MANSC4: variants seen among roughly 807,000 people sequenced by gnomAD.
MANSC4 encodes the protein MANSC domain-containing protein 4.
In MANSC4, 11 loss-of-function variants were observed where a neutral mutation model predicts 11.4. That is an observed-to-expected ratio of 0.97 (90% CI 0.61 to 1.60). The LOEUF (loss-of-function observed/expected upper bound fraction) is 1.60, where lower values mean the gene tolerates loss of function less well. Among genes scored for constraint, MANSC4 ranks in the 40% most tolerant of loss-of-function variants. The pLI is 0.00. For synonymous variants in MANSC4, 123 were observed against 147.1 expected (o/e 0.84, Z 1.19); for missense variants, 354 against 404.6 (o/e 0.88, Z 1.07).
chr12:27,768,601 C>T (rs1175743822), intron 2 of MANSC4, among the ~76,000 whole-genome samples: 4 of 150,438 alleles, frequency 2.7e-5, no homozygotes, highest in African/African-American at 9.8e-5. Context: ...GCAGTAGAGA[C>T]CATGTGATAT....
chr12:27,762,984 T>C lies in MANSC4; in HGVS notation c.777A>G (p.Leu259=), dbSNP rs747863783. Residue 259 remains leucine (L), a synonymous_variant, in exon 4 of 4, where the codon CTA becomes CTG. Transcript: ENST00000381273. ...TGCTATTGTATCCTTTGGTTTTGTT[T>C]AGTAATTGTTTGCTACTGTTGAGTC... ...PPGLNSSKQL[L]NKTKGYNSRN... is the part of the protein sequence containing the mutation. The C allele has an allele frequency of 6.4e-7, 1 of 1,551,812 alleles. No homozygotes were observed. Among genetic ancestry groups the C allele is most frequent in the South Asian group, 1.2e-5 (1 of 84,062 alleles).
chr12:27,771,329 T>C lies in MANSC4; in HGVS notation c.-53A>G. The C allele has an allele frequency of 1.4e-6, 2 of 1,471,182 alleles. No homozygotes were observed. The highest frequency in any genetic ancestry group is 1.8e-6 in the Non-Finnish European group (2 of 1,084,446). The allele number at this position is 1,471,182 out of a possible 1,614,324, so 91.1% of individuals were successfully genotyped here. A position where few individuals can be genotyped will look rare whatever the true frequency, so the allele number is the denominator to read the frequency against. ...ATAAGTCTGATTTCCAGACAGAAGCTGAACACTGGAGTTTAGGACAGTCTC... is the reference window on the plus strand; with the variant it reads ...ATAAGTCTGATTTCCAGACAGAAGCCGAACACTGGAGTTTAGGACAGTCTC... On this transcript the variant is annotated 5_prime_UTR_variant, in exon 2 of 4. Coordinates refer to ENST00000381273, the MANE Select transcript of MANSC4 (RefSeq NM_001146221.5).
intron 2 of MANSC4, among the ~76,000 whole-genome samples, chr12:27,768,418 A>AG (rs1261110633): frequency 1.7e-4 from 20 of 117,112 alleles, no homozygotes; most frequent in Middle Eastern, 3.8e-3. Flanking sequence ...AAAAAAAAAA[A>AG]AAAAGAAAAA....
chr12:27,766,651 T>C lies in MANSC4; in HGVS notation c.364+14A>G. On this transcript the variant is annotated intron_variant, in intron 3 of 3. Transcript: ENST00000381273. ...CCAGCATTCTTTTAAAGTCTTGAAA[T>C]ATGTAATCATTACCGTCTGTTATGT... is the stretch of plus-strand genomic sequence containing the variant. 1 of 1,548,836 alleles carries C rather than the reference T, an allele frequency of 6.5e-7. No individual in the cohort carries two copies. The highest frequency in any genetic ancestry group is 1.2e-5 in the South Asian group (1 of 83,148).
At chr12:27,765,873 C>T (rs912701446) in intron 3 of MANSC4, among the ~76,000 whole-genome samples, 3 of 152,220 alleles carry the variant, frequency 2.0e-5, no homozygotes, top group Non-Finnish European at 2.9e-5. Context: ...TAAATGGGCA[C>T]GAAACACTTA....
At chr12:27,769,522 C>A (rs1261957975) in intron 2 of MANSC4, among the ~76,000 whole-genome samples, 1 of 152,198 alleles carries the variant, frequency 6.6e-6, no homozygotes, top group Non-Finnish European at 1.5e-5. Flanking sequence ...GCTGTGGAGT[C>A]AGGTAAATTC....
chr12:27,763,031 A>G lies in MANSC4; in HGVS notation c.730T>C (p.Ser244Pro), dbSNP rs1171477610. ...AGTCCAGGTGGAACAGGCATATGAG[A>G]AAGTTTTGTGTCTATGGGTTCAAAG... ...PFFEPIDTKL[S>P]HMPVPPGLNS... The change falls in exon 4 of 4, where the codon TCT (serine) becomes CCT (proline). Residue 244 changes from serine (S) to proline (P), a missense_variant. Physicochemically the swap from Ser to Pro is moderately conservative, Grantham distance 74. Coordinates refer to ENST00000381273, the MANE Select transcript of MANSC4 (RefSeq NM_001146221.5). 2 of 1,551,688 alleles carry G rather than the reference A, an allele frequency of 1.3e-6. No individual in the cohort carries two copies. The highest frequency in any genetic ancestry group is 2.4e-5 in the South Asian group (2 of 84,064).
At chr12:27,766,363 G>A (rs1203676986) in intron 3 of MANSC4, among the ~76,000 whole-genome samples, 1 of 152,176 alleles carries the variant, frequency 6.6e-6, no homozygotes, top group Non-Finnish European at 1.5e-5. Flanking sequence ...ACCGCGCCTG[G>A]CCGAGAAATG....
Position 27,763,391 on chromosome 12 carries a change from C to T in MANSC4, c.370G>A (p.Asp124Asn). The T allele has an allele frequency of 6.5e-7, 1 of 1,537,738 alleles. No homozygotes were observed. Among genetic ancestry groups the T allele is most frequent in the Non-Finnish European group, 8.8e-7 (1 of 1,140,542 alleles). Reference sequence around the variant, plus strand: ...TGTTCAAAAACCAGCAAATCCGGATCTATACCTGAAAAATAAATAAGGCAT... The same window carrying T: ...TGTTCAAAAACCAGCAAATCCGGATTTATACCTGAAAAATAAATAAGGCAT... ...AILYNITDGI[D>N]PDLLVFEQSP... Residue 124 changes from aspartate (D) to asparagine (N), a missense_variant, in exon 4 of 4, where the codon GAT (aspartate) becomes AAT (asparagine). Physicochemically the swap from Asp to Asn is conservative, Grantham distance 23. Coordinates refer to ENST00000381273, the MANE Select transcript of MANSC4 (RefSeq NM_001146221.5).
At chr12:27,768,402 C>CAAAAA (rs201953091) in intron 2 of MANSC4, among the ~76,000 whole-genome samples, 7 of 109,682 alleles carry the variant, frequency 6.4e-5, no homozygotes, top group African/African-American at 1.5e-4. Flanking sequence ...GACTCTGTCT[C>CAAAAA]AAAAAAAAAA....
chr12:27,772,912 T>C (rs2062106213), intron 1 of MANSC4, among the ~76,000 whole-genome samples: 1 of 152,248 alleles, frequency 6.6e-6, no homozygotes, highest in African/African-American at 2.4e-5. Flanking sequence ...TCATATTAAG[T>C]ATAGGTTCTT....
intron 1 of MANSC4, among the ~76,000 whole-genome samples, chr12:27,774,091 T>C (rs1342209433): frequency 6.6e-6 from 1 of 151,768 alleles, no homozygotes; most frequent in East Asian, 1.9e-4. Flanking sequence ...GAGGTTGCAG[T>C]GAGACGAGAT....
At chr12:27,771,892 AC>A (rs1268433847) in intron 1 of MANSC4, among the ~76,000 whole-genome samples, 2 of 152,006 alleles carry the variant, frequency 1.3e-5, no homozygotes, top group African/African-American at 4.8e-5. Context: ...TAAAAAAAAA[AC>A]CTTGGCCAGG....
At chr12:27,769,557 C>T (rs970024042) in intron 2 of MANSC4, among the ~76,000 whole-genome samples, 28 of 152,316 alleles carry the variant, frequency 1.8e-4, no homozygotes, top group African/African-American at 4.8e-4. Context: ...TTCAAGAAAG[C>T]GTCCTGCCCC....
intron 1 of MANSC4, among the ~76,000 whole-genome samples, chr12:27,773,275 T>C (rs2062107513): frequency 6.6e-6 from 1 of 152,218 alleles, no homozygotes; most frequent in African/African-American, 2.4e-5. Flanking sequence ...TGTAAAAGCA[T>C]GCTTTAAATT....
intron 2 of MANSC4, among the ~76,000 whole-genome samples, chr12:27,767,226 C>T (rs2062075979): frequency 6.6e-6 from 1 of 152,118 alleles, no homozygotes; most frequent in African/African-American, 2.4e-5. Flanking sequence ...AGCAATCTGC[C>T]TCCCCCAAAG....
At chr12:27,769,386 G>C (rs960495343) in intron 2 of MANSC4, among the ~76,000 whole-genome samples, 2 of 152,198 alleles carry the variant, frequency 1.3e-5, no homozygotes, top group Non-Finnish European at 2.9e-5. Flanking sequence ...ACTGGAATGT[G>C]CCTTCCTGTT....
At chr12:27,776,753 AAAAAAAT>A (rs1038681406) in intron 1 of MANSC4, among the ~76,000 whole-genome samples, 1 of 152,136 alleles carries the variant, frequency 6.6e-6, no homozygotes, top group East Asian at 1.9e-4. Flanking sequence ...GACCCTGTCT[AAAAAAAT>A]AAAAAATAAA....
rs115409109 is a variant in MANSC4 at position 27,766,914 on chromosome 12, G to A, written c.230-115C>T. 1,212 of 1,077,146 alleles carry A rather than the reference G, an allele frequency of 1.1e-3. 12 individuals carry two copies. The African/African-American group carries it at 0.016, about 14-fold the overall frequency. The allele number at this position is 1,077,146 out of a possible 1,614,324, so 66.7% of individuals were successfully genotyped here. ...ATACTGGATTAACAGTATTTTTCAGGGCAATATGCAGACATTTTGCAGAAT... is the reference window on the plus strand; with the variant it reads ...ATACTGGATTAACAGTATTTTTCAGAGCAATATGCAGACATTTTGCAGAAT... On this transcript the variant is annotated intron_variant, in intron 2 of 3. Transcript: ENST00000381273.
Sources: allele counts gnomAD v4.1 joint callset (sites outside exome capture counted in the v4.1 genomes callset), GRCh38; gene constraint gnomAD v4.1.1; transcripts MANE v1.5; gene names NCBI Gene and HGNC (gene_info 2026-07-23, HGNC 2026-07-21).